NUMB: variants seen among roughly 807,000 people sequenced by gnomAD.
NUMB encodes the protein NUMB endocytic adaptor protein, also known as protein numb homolog.
NUMB carries 29 observed loss-of-function variants against 59.7 expected under a neutral mutation model. That is an observed-to-expected ratio of 0.49 (90% CI 0.36 to 0.66). The LOEUF (loss-of-function observed/expected upper bound fraction) is 0.66. Among genes scored for constraint, NUMB ranks in the 30% least tolerant of loss-of-function variants. NUMB has a pLI of 0.00. For synonymous variants in NUMB, 288 were observed against 288.2 expected (o/e 1.00, Z 0.01); for missense variants, 723 against 822.0 (o/e 0.88, Z 1.47).
intron 3 of NUMB, among the ~76,000 whole-genome samples, chr14:73,361,932 G>A (rs767297357): frequency 6.6e-6 from 1 of 152,050 alleles, no homozygotes; most frequent in Non-Finnish European, 1.5e-5. Flanking sequence ...CTGATGATAA[G>A]ATGTACCACT....
At chr14:73,301,986 G>A (rs1438322475) in intron 6 of NUMB, among the ~76,000 whole-genome samples, 1 of 152,102 alleles carries the variant, frequency 6.6e-6, no homozygotes, top group Non-Finnish European at 1.5e-5. Flanking sequence ...AGGAGGCTGA[G>A]GCAGGAGAAT....
At chr14:73,439,736 G>A (rs1023449638) in intron 1 of NUMB, among the ~76,000 whole-genome samples, 1 of 151,958 alleles carries the variant, frequency 6.6e-6, no homozygotes, top group South Asian at 2.1e-4. Context: ...AGATAAAAAG[G>A]GTGCTAGGAT....
chr14:73,309,756 T>A lies in NUMB; in HGVS notation c.234+6634A>T, dbSNP rs557083869. 1.8e-4 allele frequency among the ~76,000 whole-genome samples: 22 copies of A among 123,830 alleles called. 1 individual carries two copies. The highest frequency in any genetic ancestry group is 8.8e-4 in the East Asian group (4 of 4,528). The allele number at this position is 123,830 out of a possible 152,430, so 81.2% of individuals were successfully genotyped here. ...ATAATAATAATAATAATAATAATAATAAAAATAGGATCCAGAATGAAGATA... is the reference window on the plus strand; with the variant it reads ...ATAATAATAATAATAATAATAATAAAAAAAATAGGATCCAGAATGAAGATA... On this transcript the variant is annotated intron_variant, in intron 6 of 12. Transcript: ENST00000555238.
chr14:73,399,278 C>A (rs1287236592), intron 2 of NUMB, among the ~76,000 whole-genome samples: 1 of 152,172 alleles, frequency 6.6e-6, no homozygotes, highest in African/African-American at 2.4e-5. Flanking sequence ...TGAAAATATG[C>A]CAGAGCCGGG....
At chr14:73,334,364 T>C (rs985565616) in intron 4 of NUMB, among the ~76,000 whole-genome samples, 27 of 152,206 alleles carry the variant, frequency 1.8e-4, no homozygotes, top group Non-Finnish European at 3.7e-4. Flanking sequence ...TATTAAGTTG[T>C]TGTAGCAGGA....
chr14:73,300,172 A>G (rs1890052115), intron 6 of NUMB, among the ~76,000 whole-genome samples: 1 of 152,184 alleles, frequency 6.6e-6, no homozygotes, highest in Admixed American at 6.5e-5. Flanking sequence ...CAGTGGAACA[A>G]TGGAAACGGA....
intron 6 of NUMB, among the ~76,000 whole-genome samples, chr14:73,313,496 CAAT>C (rs1360220949): frequency 6.7e-6 from 1 of 149,972 alleles, no homozygotes; most frequent in Non-Finnish European, 1.5e-5. Flanking sequence ...TTTAATTATA[CAAT>C]AATTATAAAA....
rs146811614 is a variant in NUMB, at chr14:73,319,662, G to A, written c.202-3240C>T. On this transcript the variant is annotated intron_variant, in intron 5 of 12. Coordinates refer to ENST00000555238, the MANE Select transcript of NUMB (RefSeq NM_001005743.2). Reference sequence around the variant, plus strand: ...GTAGATCCCCAGTGGATGATTTTTAGATGAATGTTTGCTCAGAGAAATCAA... The same window carrying A: ...GTAGATCCCCAGTGGATGATTTTTAAATGAATGTTTGCTCAGAGAAATCAA... 2.6e-5 allele frequency among the ~76,000 whole-genome samples: 4 copies of A among 152,212 alleles called. No individual in the cohort carries two copies. The East Asian group carries it at 7.7e-4, about 29-fold the overall frequency.
chr14:73,360,634 T>C (rs77393808), intron 3 of NUMB, among the ~76,000 whole-genome samples: 2 of 152,096 alleles, frequency 1.3e-5, no homozygotes, highest in Non-Finnish European at 2.9e-5. Context: ...TAACTCTTTA[T>C]GATCCTTTCA....
At chr14:73,394,151 C>T (rs1014419318) in intron 2 of NUMB, among the ~76,000 whole-genome samples, 9 of 152,086 alleles carry the variant, frequency 5.9e-5, no homozygotes, top group Non-Finnish European at 2.9e-5. Context: ...GACAGAGTTT[C>T]ACCATGTTGG....
At chr14:73,451,196 G>A (rs575710787) in intron 1 of NUMB, among the ~76,000 whole-genome samples, 111 of 146,370 alleles carry the variant, frequency 7.6e-4, no homozygotes, top group Non-Finnish European at 1.2e-3. Context: ...TCTACACTTC[G>A]GGAGGCTGAG....
At chr14:73,446,419 A>G (rs2140199104) in intron 1 of NUMB, among the ~76,000 whole-genome samples, 1 of 152,132 alleles carries the variant, frequency 6.6e-6, no homozygotes, top group East Asian at 1.9e-4. Flanking sequence ...CAGCCTGGCC[A>G]ATATGGTGAA....
chr14:73,284,945 T>C lies in NUMB; in HGVS notation c.656-571A>G, dbSNP rs563590080. The C allele has an allele frequency of 9.2e-5, 14 of 152,376 alleles. No individual in the cohort carries two copies. The South Asian group carries it at 2.7e-3, about 29-fold the overall frequency. The allele number at this position is 152,376 out of a possible 1,614,324, so 9.4% of individuals were successfully genotyped here. ...TCACTGCAACCTCCACCTCCCAGGT[T>C]CAAGTGATTCTCCTGCCTCAGACTC... On this transcript the variant is annotated intron_variant, in intron 9 of 12. Coordinates refer to ENST00000555238, the MANE Select transcript of NUMB (RefSeq NM_001005743.2).
At chr14:73,417,447 G>A (rs942869856) in intron 1 of NUMB, among the ~76,000 whole-genome samples, 1 of 151,586 alleles carries the variant, frequency 6.6e-6, no homozygotes, top group African/African-American at 2.4e-5. Context: ...GAGCCATACC[G>A]CTATCACAAG....
intron 4 of NUMB, among the ~76,000 whole-genome samples, chr14:73,349,108 A>G (rs1893062857): frequency 6.6e-6 from 1 of 152,238 alleles, no homozygotes; most frequent in South Asian, 2.1e-4. Flanking sequence ...AAATCATACT[A>G]TATACATAGT....
In NUMB at chr14:73,303,410, T is replaced by C. The variant is rs188227816; in HGVS notation, c.235-6125A>G. Among the ~76,000 whole-genome samples the C allele has an allele frequency of 6.8e-3, 1,038 of 151,966 alleles. 4 individuals carry two copies. The highest frequency in any genetic ancestry group is 0.03 in the South Asian group (144 of 4,788). On this transcript the variant is annotated intron_variant, in intron 6 of 12. Coordinates refer to ENST00000555238, the MANE Select transcript of NUMB (RefSeq NM_001005743.2). ...TCCTGGCCAACATGGTGAAACCCCG[T>C]CTCTACTAAAAACACAAAAATCAGC... is the stretch of plus-strand genomic sequence containing the variant.
At chr14:73,306,749 C>T (rs1410582546) in intron 6 of NUMB, among the ~76,000 whole-genome samples, 3 of 152,204 alleles carry the variant, frequency 2.0e-5, no homozygotes, top group Non-Finnish European at 4.4e-5. Context: ...TACTGTCACA[C>T]AATTTGGTAA....
At chr14:73,449,931 G>T (rs1202305828) in intron 1 of NUMB, among the ~76,000 whole-genome samples, 1 of 152,176 alleles carries the variant, frequency 6.6e-6, no homozygotes, top group Non-Finnish European at 1.5e-5. Flanking sequence ...CAGGTGATCC[G>T]CCCACTTTGG....
At chr14:73,362,085 C>T (rs898027603) in intron 3 of NUMB, among the ~76,000 whole-genome samples, 2 of 151,872 alleles carry the variant, frequency 1.3e-5, no homozygotes, top group African/African-American at 4.8e-5. Context: ...GGCAAAATCC[C>T]ATCTTTACAA....
Sources: allele counts gnomAD v4.1 joint callset (sites outside exome capture counted in the v4.1 genomes callset), GRCh38; gene constraint gnomAD v4.1.1; transcripts MANE v1.5; gene names NCBI Gene and HGNC (gene_info 2026-07-23, HGNC 2026-07-21).